The following TSHZ2 variants were observed in gnomAD, a reference collection of about 807,000 sequenced individuals.
TSHZ2 encodes teashirt homolog 2.
TSHZ2 carries 21 observed loss-of-function variants against 74.4 expected under a neutral mutation model. That is an observed-to-expected ratio of 0.28 (90% CI 0.20 to 0.41). The LOEUF is 0.41. Ranked by LOEUF, TSHZ2 falls within the 10% of genes least tolerant of loss-of-function variation. TSHZ2 has a pLI of 1.00. For missense variants in TSHZ2, 1,244 were observed against 1,293.5 expected (o/e 0.96, Z 0.59); for synonymous variants, 540 against 515.3 (o/e 1.05, Z -0.65).
intron 1 of TSHZ2, among the ~76,000 whole-genome samples, chr20:53,249,809 T>C (rs1023137810): frequency 2.6e-5 from 4 of 152,176 alleles, no homozygotes; most frequent in Non-Finnish European, 5.9e-5. Context: ...GGTTGAGATT[T>C]TATTGCAAGT....
chr20:53,114,110 A>G (rs1986606344), intron 1 of TSHZ2, among the ~76,000 whole-genome samples: 1 of 151,740 alleles, frequency 6.6e-6, no homozygotes, highest in Non-Finnish European at 1.5e-5. Flanking sequence ...AAAAAAAAAA[A>G]AGAAAGAAAA....
intron 2 of TSHZ2, among the ~76,000 whole-genome samples, chr20:53,282,709 C>G (rs1991088416): frequency 6.6e-6 from 1 of 152,198 alleles, no homozygotes; most frequent in Non-Finnish European, 1.5e-5. Flanking sequence ...TTTCTAGTGG[C>G]ACCTTTCAGA....
chr20:53,201,656 C>T (rs1276148550), intron 1 of TSHZ2, among the ~76,000 whole-genome samples: 1 of 152,208 alleles, frequency 6.6e-6, no homozygotes, highest in African/African-American at 2.4e-5. Context: ...ATGCCATGAT[C>T]TCGCCTGTCA....
intron 2 of TSHZ2, among the ~76,000 whole-genome samples, chr20:53,372,743 A>G (rs550182098): frequency 6.6e-6 from 1 of 152,282 alleles, no homozygotes; most frequent in East Asian, 1.9e-4. Context: ...AAAATGTCTT[A>G]GTGGCAAAAT....
intron 1 of TSHZ2, among the ~76,000 whole-genome samples, chr20:53,021,128 C>T (rs566188479): frequency 3.9e-5 from 6 of 152,326 alleles, no homozygotes; most frequent in East Asian, 3.9e-4. Flanking sequence ...ATATCTCCCC[C>T]ATCTCCTTTC....
intron 1 of TSHZ2, among the ~76,000 whole-genome samples, chr20:53,235,658 T>C (rs1989926013): frequency 1.3e-5 from 2 of 152,200 alleles, no homozygotes; most frequent in Non-Finnish European, 2.9e-5. Context: ...AGGGAAGCTC[T>C]CTCTTTATAT....
intron 1 of TSHZ2, among the ~76,000 whole-genome samples, chr20:53,032,354 G>A (rs956090342): frequency 5.9e-5 from 9 of 152,140 alleles, no homozygotes; most frequent in Admixed American, 2.0e-4. Flanking sequence ...TAACCTTCAG[G>A]AGCATATGTA....
chr20:53,170,638 G>T (rs1460429611), intron 1 of TSHZ2, among the ~76,000 whole-genome samples: 1 of 152,242 alleles, frequency 6.6e-6, no homozygotes, highest in Non-Finnish European at 1.5e-5. Context: ...ATCAGAGAAT[G>T]TCTCCAGACG....
chr20:53,149,212 GC>G (rs1439200613), intron 1 of TSHZ2, among the ~76,000 whole-genome samples: 2 of 149,034 alleles, frequency 1.3e-5, no homozygotes, highest in Non-Finnish European at 3.0e-5. Flanking sequence ...GATTTCCTCT[GC>G]TGGTGAGCCA....
chr20:53,251,192 T>C (rs1006366997), intron 1 of TSHZ2, among the ~76,000 whole-genome samples: 1 of 152,176 alleles, frequency 6.6e-6, no homozygotes, highest in Non-Finnish European at 1.5e-5. Context: ...CATGTCTTAG[T>C]TGGCCTGGAA....
At chr20:53,429,178 G>A (rs1846742963) in intron 2 of TSHZ2, among the ~76,000 whole-genome samples, 2 of 152,150 alleles carry the variant, frequency 1.3e-5, no homozygotes, top group African/African-American at 2.4e-5. Flanking sequence ...CTGCCTTTAC[G>A]GGACTTGATA....
intron 2 of TSHZ2, among the ~76,000 whole-genome samples, chr20:53,280,382 G>T (rs760048313): frequency 3.3e-5 from 5 of 152,138 alleles, no homozygotes; most frequent in Non-Finnish European, 7.3e-5. Flanking sequence ...AGCATAAAAT[G>T]ACCTCCCATG....
chr20:53,062,249 A>T (rs1412339016), intron 1 of TSHZ2, among the ~76,000 whole-genome samples: 1 of 152,244 alleles, frequency 6.6e-6, no homozygotes, highest in Non-Finnish European at 1.5e-5. Flanking sequence ...AGGATAAAAT[A>T]AGACAATCAC....
chr20:53,475,886 T>C (rs202177901), intron 2 of TSHZ2, among the ~76,000 whole-genome samples: 73,489 of 114,332 alleles, frequency 0.64, 26,948 homozygotes, highest in African/African-American at 0.86. Context: ...AACACCTCTA[T>C]GCAAATAAAC....
Position 53,490,798 on chromosome 20 carries a change from CAG to C in TSHZ2, c.*3664_*3665del, listed in dbSNP as rs1425399806. ...AGTGGTGAGGAGGGGTGTGTGAAGA[CAG>C]TGTGCATGCATGAGTGTGTATTCAT... On this transcript the variant is annotated 3_prime_UTR_variant, in exon 3 of 3. Transcript: ENST00000371497. 6.6e-6 allele frequency: 1 copy of C among 152,308 alleles called. No homozygotes were observed. The highest frequency in any genetic ancestry group is 1.5e-5 in the Non-Finnish European group (1 of 68,032). The allele number at this position is 152,308 out of a possible 1,614,324, so 9.4% of individuals were successfully genotyped here. A position where few individuals can be genotyped will look rare whatever the true frequency, so the allele number is the denominator to read the frequency against.
At chr20:52,993,388 T>C (rs955011393) in intron 1 of TSHZ2, among the ~76,000 whole-genome samples, 2 of 152,236 alleles carry the variant, frequency 1.3e-5, no homozygotes, top group Non-Finnish European at 2.9e-5. Context: ...ATTTAAGGAA[T>C]ACAGAGATGT....
chr20:53,096,897 C>T (rs1986065424), intron 1 of TSHZ2, among the ~76,000 whole-genome samples: 1 of 150,794 alleles, frequency 6.6e-6, no homozygotes, highest in East Asian at 1.9e-4. Flanking sequence ...AACAAAAAAA[C>T]CCAAAAACCA....
chr20:53,284,617 G>C (rs368645605), intron 2 of TSHZ2, among the ~76,000 whole-genome samples: 4 of 152,212 alleles, frequency 2.6e-5, no homozygotes, highest in Admixed American at 2.0e-4. Context: ...CTGTGGCCCC[G>C]AAGTAAGTGT....
rs541147384 is a variant in TSHZ2, at chr20:53,001,781, C to T, written c.40+28448C>T. Among the ~76,000 whole-genome samples, 56 of 152,266 alleles carry T rather than the reference C, an allele frequency of 3.7e-4. No individual in the cohort carries two copies. In the South Asian group the frequency reaches 5.8e-3, roughly 16 times the overall value. On this transcript the variant is annotated intron_variant, in intron 1 of 2. Transcript: ENST00000371497. ...GACATTTCAGGAAGGTTTAACGTTA[C>T]GTATGTCTTCCCTATTGAGTTTCAT... is the stretch of plus-strand genomic sequence containing the variant.
Sources: gnomAD v4.1 joint callset for allele counts (sites outside exome capture counted in the v4.1 genomes callset) on GRCh38, gnomAD v4.1.1 for gene constraint, MANE v1.5 for transcripts, NCBI Gene and HGNC (gene_info 2026-07-23, HGNC 2026-07-21) for gene names.